HTR1F: variants seen among roughly 807,000 people sequenced by gnomAD.
HTR1F encodes the protein 5-hydroxytryptamine receptor 1F.
A neutral mutation model predicts 24.0 loss-of-function variants in HTR1F; 17 were observed. That is an observed-to-expected ratio of 0.71 (90% CI 0.48 to 1.06). The LOEUF (loss-of-function observed/expected upper bound fraction) is 1.06. HTR1F is among the 50% of genes least tolerant of loss of function. The pLI is 0.00. For missense variants in HTR1F, 391 were observed against 427.8 expected (o/e 0.91, Z 0.76); for synonymous variants, 186 against 156.8 (o/e 1.19, Z -1.39).
chr3:87,972,108 G>C (rs974164296), intron 2 of HTR1F, among the ~76,000 whole-genome samples: 1 of 152,094 alleles, frequency 6.6e-6, no homozygotes, highest in African/African-American at 2.4e-5. Context: ...TGACTAGCAG[G>C]AACCAAATTT....
At chr3:87,856,914 G>A (rs563410866) in intron 2 of HTR1F, among the ~76,000 whole-genome samples, 1 of 152,134 alleles carries the variant, frequency 6.6e-6, no homozygotes, top group South Asian at 2.1e-4. Flanking sequence ...TCAAAACACA[G>A]TCCTTGGGCA....
At chr3:87,841,755 C>G (rs1704809018) in intron 2 of HTR1F, among the ~76,000 whole-genome samples, 1 of 151,294 alleles carries the variant, frequency 6.6e-6, no homozygotes, top group Non-Finnish European at 1.5e-5. Context: ...CAAAAATTAG[C>G]CAGACGTGGT....
chr3:87,914,357 G>A (rs192001190), intron 2 of HTR1F, among the ~76,000 whole-genome samples: 5 of 152,230 alleles, frequency 3.3e-5, no homozygotes, highest in East Asian at 1.9e-4. Context: ...GCCAGAACTC[G>A]GCAGAGGGCA....
intron 1 of HTR1F, among the ~76,000 whole-genome samples, chr3:87,818,774 G>A (rs1319786075): frequency 2.0e-5 from 3 of 152,138 alleles, no homozygotes; most frequent in Non-Finnish European, 2.9e-5. Context: ...CACTCACTCA[G>A]GGTTGGGCAA....
intron 2 of HTR1F, among the ~76,000 whole-genome samples, chr3:87,834,267 G>A (rs1293872104): frequency 2.0e-5 from 3 of 152,070 alleles, no homozygotes; most frequent in African/African-American, 7.2e-5. Context: ...ATACACATAA[G>A]GTATGCATAA....
chr3:87,899,440 C>A (rs546636594), intron 2 of HTR1F, among the ~76,000 whole-genome samples: 8 of 152,182 alleles, frequency 5.3e-5, no homozygotes, highest in Admixed American at 2.6e-4. Flanking sequence ...CAGCTAAATA[C>A]CTTTTAATTT....
intron 2 of HTR1F, among the ~76,000 whole-genome samples, chr3:87,931,441 T>A (rs1014983919): frequency 6.6e-6 from 1 of 152,298 alleles, no homozygotes; most frequent in East Asian, 1.9e-4. Context: ...CTTAATCCAG[T>A]CTATCATTGT....
At chr3:87,878,616 G>A (rs1258743999) in intron 2 of HTR1F, among the ~76,000 whole-genome samples, 3 of 152,102 alleles carry the variant, frequency 2.0e-5, no homozygotes, top group Admixed American at 1.3e-4. Context: ...GATCTACTCT[G>A]TTGTATTGAT....
At chr3:87,870,032 C>T (rs1705521124) in intron 2 of HTR1F, among the ~76,000 whole-genome samples, 1 of 151,960 alleles carries the variant, frequency 6.6e-6, no homozygotes, top group East Asian at 1.9e-4. Flanking sequence ...TCAATGATTG[C>T]TACATATAAA....
intron 1 of HTR1F, among the ~76,000 whole-genome samples, chr3:87,797,237 T>C (rs1209624311): frequency 6.6e-6 from 1 of 152,078 alleles, no homozygotes; most frequent in East Asian, 1.9e-4. Context: ...ATACAGAGAG[T>C]TTGGAGTTAT....
intron 1 of HTR1F, among the ~76,000 whole-genome samples, chr3:87,796,674 A>G (rs1199492561): frequency 6.6e-6 from 1 of 152,158 alleles, no homozygotes. Context: ...TACTTTTTTT[A>G]AGAAAAAAGG....
At chr3:87,906,430 TCA>T (rs1703669158) in intron 2 of HTR1F, among the ~76,000 whole-genome samples, 1 of 152,274 alleles carries the variant, frequency 6.6e-6, no homozygotes, top group Non-Finnish European at 1.5e-5. Flanking sequence ...TAATGTTTTC[TCA>T]CATTCAATTT....
intron 2 of HTR1F, among the ~76,000 whole-genome samples, chr3:87,882,252 A>C (rs1259131154): frequency 1.3e-5 from 2 of 152,180 alleles, no homozygotes; most frequent in Non-Finnish European, 2.9e-5. Context: ...ACACTTTTAC[A>C]CTGTTGGTGG....
At chr3:87,951,745 T>C (rs916774219) in intron 2 of HTR1F, among the ~76,000 whole-genome samples, 20 of 152,176 alleles carry the variant, frequency 1.3e-4, no homozygotes, top group Admixed American at 6.5e-4. Context: ...TATATGCATA[T>C]ATATATGATG....
intron 1 of HTR1F, among the ~76,000 whole-genome samples, chr3:87,799,574 G>T (rs1459805089): frequency 6.6e-6 from 1 of 152,136 alleles, no homozygotes; most frequent in Non-Finnish European, 1.5e-5. Context: ...GAAGTAAAAA[G>T]TAGATGAGCA....
At chr3:87,871,691 G>A (rs78262660) in intron 2 of HTR1F, among the ~76,000 whole-genome samples, 1,874 of 152,072 alleles carry the variant, frequency 0.012, 34 homozygotes, top group African/African-American at 0.042. Context: ...ACATATAATG[G>A]AGCTCCCATA....
chr3:87,819,352 G>A (rs1413886303), intron 1 of HTR1F, among the ~76,000 whole-genome samples: 1 of 145,032 alleles, frequency 6.9e-6, no homozygotes, highest in Non-Finnish European at 1.5e-5. Flanking sequence ...TTTTTTTTTT[G>A]CTTAACTTTG....
intron 1 of HTR1F, among the ~76,000 whole-genome samples, chr3:87,800,146 C>T (rs1396404568): frequency 6.6e-6 from 1 of 152,058 alleles, no homozygotes; most frequent in East Asian, 1.9e-4. Flanking sequence ...ATATTGTCAC[C>T]AAATTAACTT....
chr3:87,939,104 G>A (rs2107433281), intron 2 of HTR1F, among the ~76,000 whole-genome samples: 1 of 152,212 alleles, frequency 6.6e-6, no homozygotes, highest in Non-Finnish European at 1.5e-5. Context: ...ATCAAAAAGT[G>A]GGCATTTCTG....
Sources: allele counts gnomAD v4.1 joint callset (sites outside exome capture counted in the v4.1 genomes callset), GRCh38; gene constraint gnomAD v4.1.1; transcripts MANE v1.5; gene names NCBI Gene and HGNC (gene_info 2026-07-23, HGNC 2026-07-21).